Variants in PRELID2 observed in about 807,000 individuals in gnomAD.
PRELID2 encodes PRELI domain containing 2.
Under a neutral mutation model 28.4 loss-of-function variants are expected in PRELID2, and 25 were observed. The ratio of observed to expected loss-of-function variants is 0.88; its 90% CI spans 0.64 to 1.23. The LOEUF is 1.23. PRELID2 is among the 50% of genes most tolerant of loss of function. The pLI is 0.00. For synonymous variants in PRELID2, 76 were observed against 71.6 expected, an observed-to-expected ratio of 1.06 and a Z score of -0.31; for missense variants, 201 against 214.4, an observed-to-expected ratio of 0.94 and a Z score of 0.39.
At chr5:145,653,446 A>C (rs1754335204) in intron 1 of PRELID2, among the ~76,000 whole-genome samples, 1 of 152,242 alleles carries the variant, frequency 6.6e-6, no homozygotes, top group Non-Finnish European at 1.5e-5. Context: ...CAGAATATAC[A>C]TTCTTCTAAG....
At chr5:145,750,166 T>C (rs1047112629) in intron 1 of PRELID2, among the ~76,000 whole-genome samples, 8 of 151,946 alleles carry the variant, frequency 5.3e-5, no homozygotes, top group Non-Finnish European at 1.2e-4. Flanking sequence ...AGCCGAGAAG[T>C]TGTCACTGGA....
intron 1 of PRELID2, among the ~76,000 whole-genome samples, chr5:145,740,406 T>C (rs1358404709): frequency 7.4e-6 from 1 of 135,022 alleles, no homozygotes; most frequent in Admixed American, 7.8e-5. Flanking sequence ...AATACAGAAA[T>C]CATTATAGGT....
chr5:145,616,580 C>T (rs1369511323), intron 1 of PRELID2, among the ~76,000 whole-genome samples: 1 of 152,020 alleles, frequency 6.6e-6, no homozygotes. Context: ...CCCCCCAAGC[C>T]GTAAAACCAG....
chr5:145,244,380 A>G, the PRELID2 span, among the ~76,000 whole-genome samples: 14 of 152,068 alleles, frequency 9.2e-5, no homozygotes, highest in African/African-American at 3.1e-4. Context: ...TATTCCAAGT[A>G]TTTAGCAAAG....
chr5:145,676,272 G>A (rs1754816015), intron 1 of PRELID2, among the ~76,000 whole-genome samples: 1 of 151,738 alleles, frequency 6.6e-6, no homozygotes, highest in African/African-American at 2.4e-5. Context: ...TGTGGCAGTG[G>A]CTCACGCCTG....
chr5:145,590,790 C>G (rs900442940), intron 1 of PRELID2, among the ~76,000 whole-genome samples: 4 of 152,032 alleles, frequency 2.6e-5, no homozygotes, highest in Admixed American at 2.0e-4. Context: ...TGTCCCATCC[C>G]GAGGAAAACT....
chr5:145,799,027 T>A (rs1226420675), intron 4 of PRELID2, among the ~76,000 whole-genome samples: 10 of 148,596 alleles, frequency 6.7e-5, no homozygotes, highest in South Asian at 2.1e-4. Flanking sequence ...TATAATAAAA[T>A]ATATATATAT....
At chr5:145,386,654 C>T in the PRELID2 span, among the ~76,000 whole-genome samples, 1 of 152,112 alleles carries the variant, frequency 6.6e-6, no homozygotes, top group Non-Finnish European at 1.5e-5. Context: ...TAATACATGG[C>T]CCTTATTATT....
chr5:145,279,503 T>C, the PRELID2 span, among the ~76,000 whole-genome samples: 6 of 152,292 alleles, frequency 3.9e-5, no homozygotes, highest in African/African-American at 1.4e-4. Flanking sequence ...AATAATCGCC[T>C]CTATGTGGTA....
At chr5:145,650,155 G>A (rs1754264213) in intron 1 of PRELID2, among the ~76,000 whole-genome samples, 1 of 151,436 alleles carries the variant, frequency 6.6e-6, no homozygotes, top group South Asian at 2.1e-4. Flanking sequence ...AAACTTTAAA[G>A]TTTTACTAAG....
the PRELID2 span, among the ~76,000 whole-genome samples, chr5:145,303,848 CT>C: frequency 6.6e-6 from 1 of 152,156 alleles, no homozygotes; most frequent in African/African-American, 2.4e-5. Context: ...ACAAGAGAGT[CT>C]GTTGGAAATG....
the PRELID2 span, among the ~76,000 whole-genome samples, chr5:145,415,825 T>C: frequency 6.6e-6 from 1 of 151,836 alleles, no homozygotes; most frequent in Admixed American, 6.6e-5. Flanking sequence ...CAAATCGTAT[T>C]TCTAGTTCTA....
chr5:145,821,269 A>G (rs1312065863), intron 2 of PRELID2, among the ~76,000 whole-genome samples: 1 of 124,156 alleles, frequency 8.1e-6, no homozygotes, highest in Non-Finnish European at 1.8e-5. Flanking sequence ...ATGTGTGTGT[A>G]AGCCCTCTTC....
chr5:145,506,524 A>G (rs1246674990), intron 1 of PRELID2, among the ~76,000 whole-genome samples: 1 of 152,124 alleles, frequency 6.6e-6, no homozygotes, highest in Non-Finnish European at 1.5e-5. Flanking sequence ...TACCCAGGCC[A>G]TGTTCCTTTC....
At chr5:145,495,115 AT>A (rs1752299269) in intron 1 of PRELID2, among the ~76,000 whole-genome samples, 1 of 152,052 alleles carries the variant, frequency 6.6e-6, no homozygotes, top group Non-Finnish European at 1.5e-5. Flanking sequence ...TTTCAATCAA[AT>A]GTTCGCCTCC....
At chr5:145,467,361 C>T (rs775745648), downstream of PRELID2, among the ~76,000 whole-genome samples, 6 of 151,952 alleles carry the variant, frequency 3.9e-5, no homozygotes, top group East Asian at 7.7e-4. Flanking sequence ...AGTCATAAAA[C>T]GACAACACTG....
the PRELID2 span, among the ~76,000 whole-genome samples, chr5:145,413,270 A>G: frequency 3.9e-5 from 6 of 152,362 alleles, no homozygotes; most frequent in East Asian, 9.6e-4. Context: ...AATGCAAATC[A>G]TAACCAAAAT....
chr5:145,742,483 C>A (rs1756860928), intron 1 of PRELID2, among the ~76,000 whole-genome samples: 1 of 114,240 alleles, frequency 8.8e-6, no homozygotes, highest in African/African-American at 3.3e-5. Flanking sequence ...GGAAATTAAA[C>A]AACAAACTTC....
At chr5:145,638,165 T>C (rs929833057) in intron 1 of PRELID2, among the ~76,000 whole-genome samples, 2 of 152,190 alleles carry the variant, frequency 1.3e-5, no homozygotes, top group African/African-American at 2.4e-5. Flanking sequence ...AGTACTATTA[T>C]TGATATTGGT....
Sources: allele counts gnomAD v4.1 joint callset (sites outside exome capture counted in the v4.1 genomes callset), GRCh38; gene constraint gnomAD v4.1.1; transcripts MANE v1.5; gene names NCBI Gene and HGNC (gene_info 2026-07-23, HGNC 2026-07-21).